The following NRBF2 variants were observed in gnomAD, a reference collection of about 807,000 sequenced individuals.
The protein encoded by NRBF2 is nuclear receptor binding factor 2.
In NRBF2, 12 loss-of-function variants were observed where a neutral mutation model predicts 28.5. The ratio of observed to expected loss-of-function variants is 0.42; its 90% CI spans 0.27 to 0.68. The LOEUF (loss-of-function observed/expected upper bound fraction) is 0.68, where lower values mean the gene tolerates loss of function less well. Ranked by LOEUF, NRBF2 falls within the 30% of genes least tolerant of loss-of-function variation. The pLI, the probability that NRBF2 is intolerant of heterozygous loss-of-function variation, is 0.24. For synonymous variants in NRBF2, 102 were observed against 116.5 expected (o/e 0.88, Z 0.80); for missense variants, 274 against 333.5 (o/e 0.82, Z 1.39).
intron 1 of NRBF2, among the ~76,000 whole-genome samples, chr10:63,143,019 G>T (rs928231720): frequency 2.0e-5 from 3 of 152,004 alleles, no homozygotes; most frequent in Non-Finnish European, 4.4e-5. Context: ...GGCCTTGAGT[G>T]ATCTGCCTGC....
chr10:63,142,165 G>A (rs560773768), intron 1 of NRBF2, among the ~76,000 whole-genome samples: 10 of 152,152 alleles, frequency 6.6e-5, no homozygotes, highest in Non-Finnish European at 1.3e-4. Flanking sequence ...GAAAAAAGGT[G>A]TTAGAATGAA....
intron 1 of NRBF2, among the ~76,000 whole-genome samples, chr10:63,134,043 ACATTCACATG>A (rs1471312551): frequency 7.4e-6 from 1 of 134,766 alleles, no homozygotes; most frequent in Non-Finnish European, 1.6e-5. Flanking sequence ...TTTCTCACAT[ACATTCACATG>A]CATAAACTGA....
At position 63,153,983 on chromosome 10, in the gene NRBF2, C is replaced by T; in HGVS notation, c.629C>T (p.Pro210Leu). 1.2e-6 allele frequency: 2 copies of T among 1,611,582 alleles called. No homozygotes were observed. The highest frequency in any genetic ancestry group is 1.7e-6 in the Non-Finnish European group (2 of 1,179,708). Residue 210 changes from proline to leucine, a missense_variant, in exon 4 of 4, where the codon CCA becomes CTA. Physicochemically the swap from Pro to Leu is moderately conservative, Grantham distance 98. Coordinates refer to ENST00000277746, the MANE Select transcript of NRBF2 (RefSeq NM_030759.5). The stretch of plus-strand genomic sequence containing the variant: ...GAAAAGGCCAGACTTCTAAAAGGTC[C>T]AATAGAAAAGGAGCTGGATGTAGAT... ...KAEKARLLKGPIEKELDVDAD... is the reference protein window; with the variant it reads ...KAEKARLLKGLIEKELDVDAD...
chr10:63,153,387 A>G, intron 3 of NRBF2, 124 bp from the exon 4 acceptor site: 1 of 739,784 alleles, frequency 1.4e-6, no homozygotes, highest in Non-Finnish European at 2.2e-6. Flanking sequence ...GTATTTTTGC[A>G]AACATAGTAA....
intron 1 of NRBF2, 99 bp from the exon 2 acceptor site, chr10:63,146,110 A>G: frequency 1.1e-6 from 1 of 897,970 alleles, no homozygotes; most frequent in South Asian, 1.4e-5. Context: ...ATGTGGCAAC[A>G]AAACAGTATT....
chr10:63,154,197 G>T lies in NRBF2; in HGVS notation c.843G>T (p.Leu281=), dbSNP rs759047812. The change falls in exon 4 of 4, where the codon CTG becomes CTT. Residue 281 remains leucine (L), a synonymous_variant. Coordinates refer to ENST00000277746, the MANE Select transcript of NRBF2 (RefSeq NM_030759.5). ...TTATGGAGCTCTCTGAGGATATTCT[G>T]AAAGGATTTATGAATAATTAAAATG... ...LPLMELSEDI[L]KGFMNN 2 of 1,587,156 alleles carry T rather than the reference G, an allele frequency of 1.3e-6. No homozygotes were observed. Among genetic ancestry groups the T allele is most frequent in the South Asian group, 2.2e-5 (2 of 89,150 alleles).
At chr10:63,150,140 CGG>C (rs1841625415) in intron 2 of NRBF2, among the ~76,000 whole-genome samples, 1 of 150,128 alleles carries the variant, frequency 6.7e-6, no homozygotes, top group Non-Finnish European at 1.5e-5. Flanking sequence ...TTAGTAGAGA[CGG>C]GGTTTCACCA....
intron 1 of NRBF2, among the ~76,000 whole-genome samples, chr10:63,138,612 C>T (rs187018632): frequency 1.6e-3 from 242 of 150,752 alleles, no homozygotes; most frequent in Non-Finnish European, 2.8e-3. Context: ...GGTGCAGTGG[C>T]GGGCGCCTGT....
chr10:63,137,644 C>A (rs536659692), intron 1 of NRBF2, among the ~76,000 whole-genome samples: 15 of 152,304 alleles, frequency 9.8e-5, no homozygotes, highest in Non-Finnish European at 2.1e-4. Flanking sequence ...CTCTTACTTT[C>A]CAGCTTCTGT....
chr10:63,135,202 T>G (rs1036389599), intron 1 of NRBF2, among the ~76,000 whole-genome samples: 12 of 152,180 alleles, frequency 7.9e-5, no homozygotes, highest in Admixed American at 7.9e-4. Flanking sequence ...ACCAGGGAAC[T>G]GTCTTGCACT....
chr10:63,145,353 C>G (rs36100606), intron 1 of NRBF2, among the ~76,000 whole-genome samples: 30,569 of 151,874 alleles, frequency 0.2, 4,034 homozygotes, highest in Non-Finnish European at 0.29. Context: ...GGATTACAGG[C>G]GTGAGCCACT....
At position 63,133,371 on chromosome 10, in the gene NRBF2, G is replaced by A. The variant is rs1313891878; in HGVS notation, c.-100G>A. On this transcript the variant is annotated 5_prime_UTR_variant, in exon 1 of 4. Transcript: ENST00000277746. ...GCTGGCTCTTGGGGCGCAGAGAGGGGCCGCAGTCTCCGCGGCTGCGTCGAG... is the reference window on the plus strand; with the variant it reads ...GCTGGCTCTTGGGGCGCAGAGAGGGACCGCAGTCTCCGCGGCTGCGTCGAG... The A allele has an allele frequency of 7.2e-7, 1 of 1,397,928 alleles. No homozygotes were observed. The highest frequency in any genetic ancestry group is 1.2e-5 in the South Asian group (1 of 84,216). 86.6% of individuals were successfully genotyped at this position (1,397,928 alleles called of 1,614,324 possible). A position where few individuals can be genotyped will look rare whatever the true frequency, so the allele number is the denominator to read the frequency against.
rs747275618 is a variant in NRBF2 at position 63,153,674 on chromosome 10, A to G, written c.320A>G (p.Glu107Gly). Residue 107 changes from glutamate (E) to glycine (G), a missense_variant, in exon 4 of 4, where the codon GAG (glutamate) becomes GGG (glycine). By Grantham distance (98) the Glu-to-Gly change is moderately conservative (BLOSUM62 -2). Coordinates refer to ENST00000277746, the MANE Select transcript of NRBF2 (RefSeq NM_030759.5). Reference sequence around the variant, plus strand: ...CAGACATCTCACAAACCCTCTGCAGAGGATGCAGAGGGCCAGAGTCCCCTT... The same window carrying G: ...CAGACATCTCACAAACCCTCTGCAGGGGATGCAGAGGGCCAGAGTCCCCTT... ...HLQTSHKPSA[E>G]DAEGQSPLSQ... 4.3e-6 allele frequency: 7 copies of G among 1,612,004 alleles called. No individual in the cohort carries two copies. Among genetic ancestry groups the G allele is most frequent in the Non-Finnish European group, 5.9e-6 (7 of 1,179,756 alleles).
At chr10:63,146,326 C>A in intron 2 of NRBF2, 33 bp downstream of exon 2, 2 of 1,464,228 alleles carry the variant, frequency 1.4e-6, no homozygotes, top group Middle Eastern at 1.8e-4. Flanking sequence ...CAGTGTAAAA[C>A]TGAAGAGCAG....
chr10:63,134,139 A>G (rs867810113), intron 1 of NRBF2, among the ~76,000 whole-genome samples: 42 of 152,266 alleles, frequency 2.8e-4, no homozygotes, highest in African/African-American at 9.4e-4. Context: ...AGATTCATCA[A>G]TTTAGGCATC....
At chr10:63,149,027 A>G (rs147100685) in intron 2 of NRBF2, among the ~76,000 whole-genome samples, 2,514 of 152,340 alleles carry the variant, frequency 0.017, 268 homozygotes, top group Admixed American at 0.15. Context: ...AAATGATTCT[A>G]TCCTTATTCA....
intron 1 of NRBF2, among the ~76,000 whole-genome samples, chr10:63,134,149 C>T (rs1264722600): frequency 6.6e-6 from 1 of 152,162 alleles, no homozygotes; most frequent in Admixed American, 6.5e-5. Flanking sequence ...ATTTAGGCAT[C>T]ATGAAAGTGT....
intron 1 of NRBF2, among the ~76,000 whole-genome samples, 190 bp downstream of exon 1, chr10:63,133,690 G>T (rs1221699029): frequency 6.6e-6 from 1 of 152,176 alleles, no homozygotes; most frequent in Non-Finnish European, 1.5e-5. Flanking sequence ...TTCAGACTTT[G>T]CCCTCCTGGG....
chr10:63,151,451 T>C (rs903577399), intron 2 of NRBF2, among the ~76,000 whole-genome samples: 1 of 152,228 alleles, frequency 6.6e-6, no homozygotes, highest in Non-Finnish European at 1.5e-5. Context: ...ACTAGTAGTG[T>C]AGTTCACAAA....
Sources: gnomAD v4.1 joint callset for allele counts (sites outside exome capture counted in the v4.1 genomes callset) on GRCh38, gnomAD v4.1.1 for gene constraint, MANE v1.5 for transcripts, NCBI Gene and HGNC (gene_info 2026-07-23, HGNC 2026-07-21) for gene names.